CSNK1A1L: variants seen among roughly 807,000 people sequenced by gnomAD.
CSNK1A1L encodes the protein casein kinase 1 alpha 1 like.
In CSNK1A1L, 20 loss-of-function variants were observed where a neutral mutation model predicts 24.6. That is an observed-to-expected ratio of 0.81 (90% confidence interval 0.57 to 1.18). The LOEUF is 1.18. Ranked by LOEUF, CSNK1A1L falls within the 50% of genes most tolerant of loss-of-function variation. CSNK1A1L has a pLI of 0.00. For missense variants in CSNK1A1L, 414 were observed against 419.0 expected (o/e 0.99, Z 0.10); for synonymous variants, 152 against 154.0 (o/e 0.99, Z 0.09).
chr13:37,105,497 G>A lies in CSNK1A1L; in HGVS notation c.-241C>T, dbSNP rs926402300. The A allele has an allele frequency of 4.0e-6, 2 of 506,226 alleles. No homozygotes were observed. Among genetic ancestry groups the A allele is most frequent in the South Asian group, 3.3e-5 (1 of 30,604 alleles). 31.4% of individuals were successfully genotyped at this position (506,226 alleles called of 1,614,324 possible). On this transcript the variant is annotated 5_prime_UTR_variant, in exon 1 of 1. Coordinates refer to ENST00000379800, the MANE Select transcript of CSNK1A1L (RefSeq NM_145203.6). The stretch of plus-strand genomic sequence containing the variant: ...CAGGCTGGGCCACCACCTCTTTCTC[G>A]GTGGCGGTCGCTGCCTCGCTGTCGT...
rs1054175119 is a variant in CSNK1A1L, at chr13:37,104,960, G to T, written c.297C>A (p.Asp99Glu). The T allele has an allele frequency of 1.2e-6, 2 of 1,614,004 alleles. No homozygotes were observed. The highest frequency in any genetic ancestry group is 1.7e-6 in the Non-Finnish European group (2 of 1,179,996). Residue 99 changes from aspartate to glutamate, a missense_variant, in exon 1 of 1, where the codon GAC becomes GAA. Coordinates refer to ENST00000379800, the MANE Select transcript of CSNK1A1L (RefSeq NM_145203.6). ...VMDLLGPSLEDLFNFCSRRFT... is the reference protein window; with the variant it reads ...VMDLLGPSLEELFNFCSRRFT... ...ACCTTCTTGAACAGAAATTAAAGAG[G>T]TCTTCGAGGCTGGGTCCCAGAAGGT...
At position 37,105,512 on chromosome 13, in the gene CSNK1A1L, C is replaced by T. The variant is rs1566441198; in HGVS notation, c.-256G>A. 2 of 479,756 alleles carry T rather than the reference C, an allele frequency of 4.2e-6. No individual in the cohort carries two copies. Among genetic ancestry groups the T allele is most frequent in the East Asian group, 7.0e-5 (2 of 28,650 alleles). The allele number at this position is 479,756 out of a possible 1,614,324, so 29.7% of individuals were successfully genotyped here. A position where few individuals can be genotyped will look rare whatever the true frequency, so the allele number is the denominator to read the frequency against. On this transcript the variant is annotated 5_prime_UTR_variant, in exon 1 of 1. Coordinates refer to ENST00000379800, the MANE Select transcript of CSNK1A1L (RefSeq NM_145203.6). Reference sequence around the variant, plus strand: ...CCTCTTTCTCGGTGGCGGTCGCTGCCTCGCTGTCGTGGCGATGTCGTGGGC... The same window carrying T: ...CCTCTTTCTCGGTGGCGGTCGCTGCTTCGCTGTCGTGGCGATGTCGTGGGC...
Position 37,105,477 on chromosome 13 carries a change from T to TTA in CSNK1A1L, c.-222_-221insTA. The TTA allele has an allele frequency of 2.0e-6, 1 of 507,912 alleles. No individual in the cohort carries two copies. The highest frequency in any genetic ancestry group is 3.5e-6 in the Non-Finnish European group (1 of 282,338). The allele number at this position is 507,912 out of a possible 1,614,324, so 31.5% of individuals were successfully genotyped here. ...GCGAGGGTTTCTCAAGGTTCCAGGC[T>TTA]GGGCCACCACCTCTTTCTCGGTGGC... On this transcript the variant is annotated 5_prime_UTR_variant, in exon 1 of 1. Transcript: ENST00000379800.
chr13:37,105,007 C>G lies in CSNK1A1L; in HGVS notation c.250G>C (p.Asp84His), dbSNP rs767311776. ...PHMHWYGQEK[D>H]NNVLVMDLLG... ...AGGTCCATGACTAGCACATTGTTGT[C>G]TTTTTCCTGACCATACCAGTGCATG... is the stretch of plus-strand genomic sequence containing the variant. Residue 84 changes from aspartate to histidine, a missense_variant, in exon 1 of 1, where the codon GAC becomes CAC. Transcript: ENST00000379800. 15 of 1,613,952 alleles carry G rather than the reference C, an allele frequency of 9.3e-6. No individual in the cohort carries two copies. The highest frequency in any genetic ancestry group is 1.3e-5 in the African/African-American group (1 of 74,888).
chr13:37,105,390 T>A lies in CSNK1A1L; in HGVS notation c.-134A>T. The A allele has an allele frequency of 1.1e-6, 1 of 944,460 alleles. No homozygotes were observed. Among genetic ancestry groups the A allele is most frequent in the Non-Finnish European group, 1.6e-6 (1 of 624,232 alleles). The allele number at this position is 944,460 out of a possible 1,614,324, so 58.5% of individuals were successfully genotyped here. A position where few individuals can be genotyped will look rare whatever the true frequency, so the allele number is the denominator to read the frequency against. On this transcript the variant is annotated 5_prime_UTR_variant, in exon 1 of 1. Transcript: ENST00000379800. Reference sequence around the variant, plus strand: ...TGGCCACCGAGGCGTTTCCCGGTGTTACAGGGCGTGGAGTCAGCCTGATCC... The same window carrying A: ...TGGCCACCGAGGCGTTTCCCGGTGTAACAGGGCGTGGAGTCAGCCTGATCC...
Position 37,105,082 on chromosome 13 carries a change from A to G in CSNK1A1L, c.175T>C (p.Tyr59His). The G allele has an allele frequency of 6.2e-7, 1 of 1,614,152 alleles. No homozygotes were observed. Among genetic ancestry groups the G allele is most frequent in the Non-Finnish European group, 8.5e-7 (1 of 1,180,012 alleles). Residue 59 changes from tyrosine (Y) to histidine (H), a missense_variant, in exon 1 of 1, where the codon TAT becomes CAT. Physicochemically the swap from Tyr to His is moderately conservative, Grantham distance 83. Transcript: ENST00000379800. ...AGAATCGTGTAGAGTTTGCTCTCATACAGCAACTGGGGGTGCTTGACCTTC... is the reference window on the plus strand; with the variant it reads ...AGAATCGTGTAGAGTTTGCTCTCATGCAGCAACTGGGGGTGCTTGACCTTC... ...SQKVKHPQLL[Y>H]ESKLYTILQG... is the part of the protein sequence containing the mutation.
chr13:37,105,088 A>G lies in CSNK1A1L; in HGVS notation c.169T>C (p.Leu57=). Residue 57 remains leucine, a synonymous_variant, in exon 1 of 1, where the codon TTG becomes CTG. Transcript: ENST00000379800. The part of the protein sequence containing the change: ...LESQKVKHPQ[L]LYESKLYTIL... ...GTGTAGAGTTTGCTCTCATACAGCA[A>G]CTGGGGGTGCTTGACCTTCTGAGAT... 1.2e-6 allele frequency: 2 copies of G among 1,613,864 alleles called. No individual in the cohort carries two copies. Among genetic ancestry groups the G allele is most frequent in the South Asian group, 1.1e-5 (1 of 91,072 alleles).
At position 37,104,557 on chromosome 13, in the gene CSNK1A1L, C is replaced by T. The variant is rs2070764890; in HGVS notation, c.700G>A (p.Glu234Lys). Residue 234 changes from glutamate to lysine, a missense_variant, in exon 1 of 1, where the codon GAA (glutamate) becomes AAA (lysine). Glu to Lys is a moderately conservative substitution (Grantham distance 56, BLOSUM62 1). Transcript: ENST00000379800. Reference sequence around the variant, plus strand: ...GACATCTTCTTCTCACTAATCTTTTCATATTTTTGTTTTTTTGTCATAGCC... The same window carrying T: ...GACATCTTCTTCTCACTAATCTTTTTATATTTTTGTTTTTTTGTCATAGCC... ...LRAMTKKQKY[E>K]KISEKKMSTP... is the part of the protein sequence containing the mutation. 1 of 1,614,126 alleles carries T rather than the reference C, an allele frequency of 6.2e-7. No homozygotes were observed. Among genetic ancestry groups the T allele is most frequent in the Non-Finnish European group, 8.5e-7 (1 of 1,180,032 alleles).
rs1457430476 is a variant in CSNK1A1L, at chr13:37,104,216, T to G, written c.*27A>C. ...AACAAATGCTGCTCGAATCATCTGCTCTGCTTCTTCTGTTCCTCATTCACG... is the reference window on the plus strand; with the variant it reads ...AACAAATGCTGCTCGAATCATCTGCGCTGCTTCTTCTGTTCCTCATTCACG... On this transcript the variant is annotated 3_prime_UTR_variant, in exon 1 of 1. Coordinates refer to ENST00000379800, the MANE Select transcript of CSNK1A1L (RefSeq NM_145203.6). 7 of 1,613,954 alleles carry G rather than the reference T, an allele frequency of 4.3e-6. No individual in the cohort carries two copies. In the African/African-American group the frequency reaches 9.3e-5, roughly 22 times the overall value.
chr13:37,103,846 G>T lies in CSNK1A1L; in HGVS notation c.*397C>A. On this transcript the variant is annotated 3_prime_UTR_variant, in exon 1 of 1. Transcript: ENST00000379800. Reference sequence around the variant, plus strand: ...ATCATAAGCATTTACAACCTTTGCAGCTGTGGCTGAATACTGTCCTTCTGA... The same window carrying T: ...ATCATAAGCATTTACAACCTTTGCATCTGTGGCTGAATACTGTCCTTCTGA... 3.9e-6 allele frequency: 1 copy of T among 255,750 alleles called. No individual in the cohort carries two copies. Among genetic ancestry groups the T allele is most frequent in the Non-Finnish European group, 7.6e-6 (1 of 131,318 alleles). 15.8% of individuals were successfully genotyped at this position (255,750 alleles called of 1,614,324 possible).
At position 37,105,140 on chromosome 13, in the gene CSNK1A1L, G is replaced by A. The variant is rs368741835; in HGVS notation, c.117C>T (p.Asn39=). 8.7e-6 allele frequency: 14 copies of A among 1,614,106 alleles called. No individual in the cohort carries two copies. In the East Asian group the frequency reaches 2.0e-4, roughly 23 times the overall value. Residue 39 remains asparagine, a synonymous_variant, in exon 1 of 1, where the codon AAC becomes AAT. Coordinates refer to ENST00000379800, the MANE Select transcript of CSNK1A1L (RefSeq NM_145203.6). ...CCAGCTTCACTGCTACGTCCTCGCC[G>A]TTGGTGGTGGTGATGCCCAGATAAA... The part of the protein sequence containing the change: ...GDVYLGITTT[N]GEDVAVKLES...
chr13:37,105,007 C>T lies in CSNK1A1L; in HGVS notation c.250G>A (p.Asp84Asn). 1.9e-6 allele frequency: 3 copies of T among 1,614,070 alleles called. No homozygotes were observed. The highest frequency in any genetic ancestry group is 2.5e-6 in the Non-Finnish European group (3 of 1,180,010). Reference sequence around the variant, plus strand: ...AGGTCCATGACTAGCACATTGTTGTCTTTTTCCTGACCATACCAGTGCATG... The same window carrying T: ...AGGTCCATGACTAGCACATTGTTGTTTTTTTCCTGACCATACCAGTGCATG... ...PHMHWYGQEKDNNVLVMDLLG... is the reference protein window; with the variant it reads ...PHMHWYGQEKNNNVLVMDLLG... The change falls in exon 1 of 1, where the codon GAC becomes AAC. Residue 84 changes from aspartate (D) to asparagine (N), a missense_variant. Coordinates refer to ENST00000379800, the MANE Select transcript of CSNK1A1L (RefSeq NM_145203.6).
chr13:37,105,002 G>T lies in CSNK1A1L; in HGVS notation c.255C>A (p.Asn85Lys), dbSNP rs1372172869. The T allele has an allele frequency of 6.2e-7, 1 of 1,614,060 alleles. No individual in the cohort carries two copies. Residue 85 changes from asparagine (N) to lysine (K), a missense_variant, in exon 1 of 1, where the codon AAC becomes AAA. Transcript: ENST00000379800. The part of the protein sequence containing the change: ...HMHWYGQEKD[N>K]NVLVMDLLGP... ...CCAGAAGGTCCATGACTAGCACATT[G>T]TTGTCTTTTTCCTGACCATACCAGT...
rs953430349 is a variant in CSNK1A1L, at chr13:37,105,397, C to T, written c.-141G>A. 7.9e-6 allele frequency: 7 copies of T among 882,144 alleles called. No individual in the cohort carries two copies. In the African/African-American group the frequency reaches 1.2e-4, roughly 15 times the overall value. 54.6% of individuals were successfully genotyped at this position (882,144 alleles called of 1,614,324 possible). ...CGAGGCGTTTCCCGGTGTTACAGGG[C>T]GTGGAGTCAGCCTGATCCCTGCAGC... On this transcript the variant is annotated 5_prime_UTR_variant, in exon 1 of 1. Coordinates refer to ENST00000379800, the MANE Select transcript of CSNK1A1L (RefSeq NM_145203.6).
Position 37,105,248 on chromosome 13 carries a change from G to T in CSNK1A1L, c.9C>A (p.Asn3Lys), listed in dbSNP as rs1283352019. Residue 3 changes from asparagine (N) to lysine (K), a missense_variant, in exon 1 of 1, where the codon AAC (asparagine) becomes AAA (lysine). Coordinates refer to ENST00000379800, the MANE Select transcript of CSNK1A1L (RefSeq NM_145203.6). Reference protein sequence around the residue: MTNNSGSKAELVV... With the variant: MTKNSGSKAELVV... ...CGAGTTCGGCTTTGGAGCCGCTGTT[G>T]TTTGTCATCCTGAGAGGCAAAGATG... The T allele has an allele frequency of 2.5e-6, 4 of 1,612,904 alleles. No individual in the cohort carries two copies. Among genetic ancestry groups the T allele is most frequent in the South Asian group, 1.1e-5 (1 of 90,934 alleles).
Position 37,105,544 on chromosome 13 carries a change from A to T in CSNK1A1L, c.-288T>A. The T allele has an allele frequency of 2.7e-6, 1 of 370,032 alleles. No individual in the cohort carries two copies. Among genetic ancestry groups the T allele is most frequent in the Non-Finnish European group, 5.1e-6 (1 of 196,428 alleles). 22.9% of individuals were successfully genotyped at this position (370,032 alleles called of 1,614,324 possible). A position where few individuals can be genotyped will look rare whatever the true frequency, so the allele number is the denominator to read the frequency against. On this transcript the variant is annotated 5_prime_UTR_variant, in exon 1 of 1. Coordinates refer to ENST00000379800, the MANE Select transcript of CSNK1A1L (RefSeq NM_145203.6). ...TCGTGGCGATGTCGTGGGCTGAGAA[A>T]GGGGGCACAGCGAGTTGGGGCAGCA...
chr13:37,104,968 G>T lies in CSNK1A1L; in HGVS notation c.289C>A (p.Leu97Ile). The T allele has an allele frequency of 6.2e-7, 1 of 1,613,982 alleles. No individual in the cohort carries two copies. Among genetic ancestry groups the T allele is most frequent in the Middle Eastern group, 1.6e-4 (1 of 6,062 alleles). The change falls in exon 1 of 1, where the codon CTC (leucine) becomes ATC (isoleucine). Residue 97 changes from leucine to isoleucine, a missense_variant. Physicochemically the swap from Leu to Ile is conservative, Grantham distance 5 (BLOSUM62 2). Coordinates refer to ENST00000379800, the MANE Select transcript of CSNK1A1L (RefSeq NM_145203.6). ...VLVMDLLGPS[L>I]EDLFNFCSRR... The stretch of plus-strand genomic sequence containing the variant: ...GAACAGAAATTAAAGAGGTCTTCGA[G>T]GCTGGGTCCCAGAAGGTCCATGACT...
chr13:37,104,320 T>A lies in CSNK1A1L; in HGVS notation c.937A>T (p.Ser313Cys). 6.2e-7 allele frequency: 1 copy of A among 1,614,202 alleles called. No homozygotes were observed. Among genetic ancestry groups the A allele is most frequent in the Non-Finnish European group, 8.5e-7 (1 of 1,180,030 alleles). Residue 313 changes from serine (S) to cysteine (C), a missense_variant, in exon 1 of 1, where the codon AGT becomes TGT. Transcript: ENST00000379800. ...QKAAQQAASS[S>C]GQGQQAQTQT... is the part of the protein sequence containing the mutation. ...GTTTGGGCCTGCTGACCCTGCCCAC[T>A]GGAAGAGGCTGCCTGCTGTGCTGCT...
Position 37,104,711 on chromosome 13 carries a change from A to G in CSNK1A1L, c.546T>C (p.Ile182=), listed in dbSNP as rs1206787878. 6.2e-7 allele frequency: 1 copy of G among 1,614,054 alleles called. No individual in the cohort carries two copies. The highest frequency in any genetic ancestry group is 8.5e-7 in the Non-Finnish European group (1 of 1,180,018). The stretch of plus-strand genomic sequence containing the variant: ...TGATGCTGGCATATCGGACAGTGCC[A>G]ATGAGGTGTTTATCTTCTCTGTACG... ...HIPYREDKHL[I]GTVRYASINA... Residue 182 remains isoleucine (I), a synonymous_variant, in exon 1 of 1, where the codon ATT becomes ATC. Transcript: ENST00000379800.
Sources: allele counts gnomAD v4.1 joint callset, GRCh38; gene constraint gnomAD v4.1.1; transcripts MANE v1.5; gene names NCBI Gene and HGNC (gene_info 2026-07-23, HGNC 2026-07-21).